The following MARCHF10 variants were observed in gnomAD, a reference collection of about 807,000 sequenced individuals.
MARCHF10 encodes the protein probable E3 ubiquitin-protein ligase MARCHF10.
Under a neutral mutation model 76.2 loss-of-function variants are expected in MARCHF10, and 64 were observed. The ratio of observed to expected loss-of-function variants is 0.84; its 90% CI spans 0.69 to 1.03. The LOEUF (loss-of-function observed/expected upper bound fraction) is 1.03. Ranked by LOEUF, MARCHF10 falls within the 50% of genes least tolerant of loss-of-function variation. MARCHF10 has a pLI of 0.00. For synonymous variants in MARCHF10, 340 were observed against 357.5 expected, an observed-to-expected ratio of 0.95 and a Z score of 0.55; for missense variants, 875 against 958.0, an observed-to-expected ratio of 0.91 and a Z score of 1.14.
chr17:62,708,994 C>T (rs369968369), intron 9 of MARCHF10, among the ~76,000 whole-genome samples: 1 of 152,230 alleles, frequency 6.6e-6, no homozygotes, highest in African/African-American at 2.4e-5. Flanking sequence ...TTCTCTTGCA[C>T]AGGTGCTACT....
chr17:62,764,193 G>A (rs931420503), intron 3 of MARCHF10, among the ~76,000 whole-genome samples: 4 of 152,164 alleles, frequency 2.6e-5, no homozygotes, highest in African/African-American at 9.7e-5. Context: ...GAGATGACCC[G>A]AAGAGCAAGT....
intron 6 of MARCHF10, among the ~76,000 whole-genome samples, chr17:62,730,371 T>C (rs1427090534): frequency 6.6e-6 from 1 of 152,228 alleles, no homozygotes; most frequent in Non-Finnish European, 1.5e-5. Context: ...AGAATGATTG[T>C]GGATTAATGG....
intron 2 of MARCHF10, among the ~76,000 whole-genome samples, chr17:62,801,225 C>T (rs2093066731): frequency 6.6e-6 from 1 of 152,136 alleles, no homozygotes; most frequent in Non-Finnish European, 1.5e-5. Context: ...GTGGCGCGAT[C>T]TCGGCTTACT....
At chr17:62,763,891 G>A (rs889112634) in intron 3 of MARCHF10, among the ~76,000 whole-genome samples, 3 of 152,068 alleles carry the variant, frequency 2.0e-5, no homozygotes, top group Admixed American at 6.6e-5. Context: ...CAAAGATCCC[G>A]AACTTGCTCT....
chr17:62,741,196 G>T (rs2091491445), intron 5 of MARCHF10, among the ~76,000 whole-genome samples: 1 of 152,092 alleles, frequency 6.6e-6, no homozygotes, highest in South Asian at 2.1e-4. Flanking sequence ...TAGTATAAAG[G>T]TATATATTAT....
At chr17:62,783,596 T>C (rs575508030) in intron 3 of MARCHF10, among the ~76,000 whole-genome samples, 7 of 152,158 alleles carry the variant, frequency 4.6e-5, no homozygotes, top group Non-Finnish European at 7.4e-5. Context: ...AGCTGTTTTT[T>C]TGAAAAGATC....
rs538689029 is a variant in MARCHF10, at chr17:62,706,703, C to G, written c.2329-1122G>C. On this transcript the variant is annotated intron_variant, in intron 9 of 10. Coordinates refer to ENST00000311269, the MANE Select transcript of MARCHF10 (RefSeq NM_152598.4). The stretch of plus-strand genomic sequence containing the variant: ...CGGGGCTCCCTTCCCCTGCACCTAG[C>G]CTGAAGTTTTCCACCATTAACGGCA... 3.3e-5 allele frequency among the ~76,000 whole-genome samples: 5 copies of G among 152,220 alleles called. No individual in the cohort carries two copies. In the South Asian group the frequency reaches 6.2e-4, roughly 19 times the overall value.
At chr17:62,807,810 T>TG (rs2093185672) in intron 1 of MARCHF10, among the ~76,000 whole-genome samples, 1 of 152,136 alleles carries the variant, frequency 6.6e-6, no homozygotes, top group African/African-American at 2.4e-5. Flanking sequence ...AGAAGCCCAG[T>TG]GGGCCATGGT....
chr17:62,701,424 C>T lies in MARCHF10; in HGVS notation c.*279G>A, dbSNP rs756331504. 304 of 604,320 alleles carry T rather than the reference C, an allele frequency of 5.0e-4. 1 individual carries two copies. Among genetic ancestry groups the T allele is most frequent in the Non-Finnish European group, 7.6e-4 (280 of 368,472 alleles). 37.4% of individuals were successfully genotyped at this position (604,320 alleles called of 1,614,324 possible). On this transcript the variant is annotated 3_prime_UTR_variant, in exon 11 of 11. Coordinates refer to ENST00000311269, the MANE Select transcript of MARCHF10 (RefSeq NM_152598.4). ...TGGGACCCCAGGCCACTGGACCTGG[C>T]AGGGCTTCTGGGCTAAGGGGGCAGC...
At chr17:62,760,849 G>A (rs1018280210) in intron 3 of MARCHF10, among the ~76,000 whole-genome samples, 66 of 152,336 alleles carry the variant, frequency 4.3e-4, no homozygotes, top group African/African-American at 9.9e-4. Context: ...GGGTCGTTGC[G>A]GTGGGGGTGG....
chr17:62,769,794 C>T (rs2092407641), intron 3 of MARCHF10, among the ~76,000 whole-genome samples: 1 of 151,966 alleles, frequency 6.6e-6, no homozygotes, highest in South Asian at 2.1e-4. Context: ...TTTCTTTTTT[C>T]TTTTTATTAT....
intron 4 of MARCHF10, among the ~76,000 whole-genome samples, chr17:62,750,882 C>T (rs1296074211): frequency 6.6e-6 from 1 of 152,226 alleles, no homozygotes; most frequent in Non-Finnish European, 1.5e-5. Context: ...ATGAGCTGTG[C>T]TGGTAGCAAC....
intron 8 of MARCHF10, among the ~76,000 whole-genome samples, chr17:62,719,983 T>C (rs948316789): frequency 3.3e-5 from 5 of 152,254 alleles, no homozygotes; most frequent in Non-Finnish European, 5.9e-5. Flanking sequence ...TCAAAGGCAT[T>C]CTTCATTTGT....
At chr17:62,735,831 C>T (rs551628797) in intron 6 of MARCHF10, 100 bp downstream of exon 6, 28 of 1,070,304 alleles carry the variant, frequency 2.6e-5, no homozygotes, top group Non-Finnish European at 3.5e-5. Context: ...CAAGGAAGGA[C>T]CCATTTATGA....
intron 2 of MARCHF10, among the ~76,000 whole-genome samples, chr17:62,798,892 C>G (rs1427849896): frequency 6.6e-6 from 1 of 152,186 alleles, no homozygotes. Flanking sequence ...GGATCTCAGG[C>G]TGGGTACCAG....
At position 62,736,443 on chromosome 17, in the gene MARCHF10, T is replaced by G. The variant is rs148768526; in HGVS notation, c.1425A>C (p.Ser475=). The change falls in exon 6 of 11, where the codon TCA becomes TCC. Residue 475 remains serine, a synonymous_variant. Coordinates refer to ENST00000311269, the MANE Select transcript of MARCHF10 (RefSeq NM_152598.4). ...CATCTCTCAGAGCAGAATGCATGAA[T>G]GATGCAGGAGGGTTATAGGATGAAT... The part of the protein sequence containing the change: ...SVNSSYNPPA[S]FMHSALRDDI... The G allele has an allele frequency of 1.8e-5, 29 of 1,614,190 alleles. No individual in the cohort carries two copies. The highest frequency in any genetic ancestry group is 2.3e-5 in the Non-Finnish European group (27 of 1,180,028).
intron 4 of MARCHF10, among the ~76,000 whole-genome samples, chr17:62,759,147 C>T (rs2092126097): frequency 6.6e-6 from 1 of 152,184 alleles, no homozygotes; most frequent in Admixed American, 6.5e-5. Context: ...TCTCTCTTGG[C>T]TATAAATTAT....
At chr17:62,794,199 C>G (rs2092947045) in intron 2 of MARCHF10, among the ~76,000 whole-genome samples, 1 of 151,030 alleles carries the variant, frequency 6.6e-6, no homozygotes, top group Admixed American at 6.6e-5. Context: ...ACAACCATCA[C>G]CACCACCACC....
At chr17:62,776,688 C>CA (rs2148043299) in intron 3 of MARCHF10, among the ~76,000 whole-genome samples, 1 of 152,264 alleles carries the variant, frequency 6.6e-6, no homozygotes, top group Non-Finnish European at 1.5e-5. Context: ...ATAGCCAGTT[C>CA]AGTCTGGTGA....
Sources: allele counts gnomAD v4.1 joint callset (sites outside exome capture counted in the v4.1 genomes callset), GRCh38; gene constraint gnomAD v4.1.1; transcripts MANE v1.5; gene names NCBI Gene and HGNC (gene_info 2026-07-23, HGNC 2026-07-21).